Variants in TTBK1 observed in about 807,000 individuals in gnomAD.
TTBK1 encodes the protein tau tubulin kinase 1.
Under a neutral mutation model 108.5 loss-of-function variants are expected in TTBK1, and 34 were observed. The ratio of observed to expected loss-of-function variants is 0.31; its 90% confidence interval spans 0.24 to 0.42. TTBK1 has a LOEUF of 0.42. TTBK1 is among the 10% of genes least tolerant of loss of function. The probability of loss-of-function intolerance (pLI) is 1.00; values close to 1 mark genes in which losing one functional copy is unlikely to be tolerated. For synonymous variants in TTBK1, 809 were observed against 795.1 expected (o/e 1.02, Z -0.29); for missense variants, 1,539 against 1,826.0 (o/e 0.84, Z 2.86).
chr6:43,284,932 T>G, intron 14 of TTBK1, 51 bp from the exon 15 acceptor site: 1 of 1,484,996 alleles, frequency 6.7e-7, no homozygotes, highest in Non-Finnish European at 8.9e-7. Flanking sequence ...TATTTCTCCT[T>G]GTTTTGTTTC....
At chr6:43,262,060 G>A (rs1777555473) in intron 12 of TTBK1, among the ~76,000 whole-genome samples, 3 of 152,228 alleles carry the variant, frequency 2.0e-5, no homozygotes, top group Non-Finnish European at 2.9e-5. Context: ...ACAGCAAAGG[G>A]TAGAAGGACA....
At chr6:43,256,236 A>G (rs1463422297) in intron 9 of TTBK1, among the ~76,000 whole-genome samples, 1 of 151,690 alleles carries the variant, frequency 6.6e-6, no homozygotes, top group Admixed American at 6.6e-5. Flanking sequence ...CCTGGGTTCA[A>G]GCAATTCTTC....
At position 43,284,010 on chromosome 6, in the gene TTBK1, G is replaced by A. The variant is rs369925414; in HGVS notation, c.3270G>A (p.Ala1090=). Residue 1090 remains alanine (A), a synonymous_variant, in exon 14 of 15, where the codon GCG becomes GCA. Transcript: ENST00000259750. Reference sequence around the variant, plus strand: ...GGGCTCGGCCGCAGCAGGACCTGGCGCGGCTGGTGATGGAGAAGAGGCAGG... The same window carrying A: ...GGGCTCGGCCGCAGCAGGACCTGGCACGGCTGGTGATGGAGAAGAGGCAGG... ...SKRARPQQDL[A]RLVMEKRQGR... 2.4e-5 allele frequency: 38 copies of A among 1,585,452 alleles called. No homozygotes were observed. The African/African-American group carries it at 3.1e-4, about 13-fold the overall frequency.
At position 43,259,356 on chromosome 6, in the gene TTBK1, G is replaced by A. The variant is rs1777467794; in HGVS notation, c.1248+87G>A. On this transcript the variant is annotated intron_variant, in intron 11 of 14. Transcript: ENST00000259750. This position sits in a 1 kb window ranked among gnomAD's most constrained non-coding sequence, Gnocchi z 6.7. The stretch of plus-strand genomic sequence containing the variant: ...TGTGCCCCTGCCCTGTTCCTCCTAA[G>A]CACCCTGTCCCCGGCCATCTGCCTG... The A allele has an allele frequency of 7.5e-7, 1 of 1,327,910 alleles. No individual in the cohort carries two copies. The highest frequency in any genetic ancestry group is 1.0e-6 in the Non-Finnish European group (1 of 978,492). The allele number at this position is 1,327,910 out of a possible 1,614,324, so 82.3% of individuals were successfully genotyped here. A position where few individuals can be genotyped will look rare whatever the true frequency, so the allele number is the denominator to read the frequency against.
At chr6:43,275,323 C>T (rs1007077792) in intron 13 of TTBK1, among the ~76,000 whole-genome samples, 1 of 152,054 alleles carries the variant, frequency 6.6e-6, no homozygotes, top group South Asian at 2.1e-4. Context: ...CGCCCCACCC[C>T]GCCGCCGAGG....
In TTBK1 at chr6:43,265,285, C is replaced by G. The variant is rs1777647641; in HGVS notation, c.1986+1935C>G. Among the ~76,000 whole-genome samples the G allele has an allele frequency of 6.6e-6, 1 of 151,960 alleles. No homozygotes were observed. The highest frequency in any genetic ancestry group is 2.4e-5 in the African/African-American group (1 of 41,404). On this transcript the variant is annotated intron_variant, in intron 13 of 14. Transcript: ENST00000259750. This position sits in a 1 kb window ranked among gnomAD's most constrained non-coding sequence, Gnocchi z 4.1. ...ACTTGCTCAGATTGGGAGGCCTTGC[C>G]TGGGATCACATGGGTGCCCTGGGAA...
rs1237765587 is a variant in TTBK1, at chr6:43,286,072, G to C, written c.*696G>C. 1 of 152,880 alleles carries C rather than the reference G, an allele frequency of 6.5e-6. No homozygotes were observed. The highest frequency in any genetic ancestry group is 1.9e-4 in the East Asian group (1 of 5,176). 9.5% of individuals were successfully genotyped at this position (152,880 alleles called of 1,614,324 possible). A position where few individuals can be genotyped will look rare whatever the true frequency, so the allele number is the denominator to read the frequency against. ...ACTCGGTGAGAGGCAGTGGGCAAGT[G>C]ATCTTGGAGATGGGTGGGCAGGTGA... On this transcript the variant is annotated 3_prime_UTR_variant, in exon 15 of 15. Coordinates refer to ENST00000259750, the MANE Select transcript of TTBK1 (RefSeq NM_032538.3). This position sits in a 1 kb window ranked among gnomAD's most constrained non-coding sequence, Gnocchi z 4.6.
At position 43,282,745 on chromosome 6, in the gene TTBK1, C is replaced by T. The variant is rs763794735; in HGVS notation, c.2005C>T (p.Pro669Ser). The T allele has an allele frequency of 1.2e-6, 2 of 1,606,248 alleles. No homozygotes were observed. Among genetic ancestry groups the T allele is most frequent in the South Asian group, 1.1e-5 (1 of 90,786 alleles). Residue 669 changes from proline to serine, a missense_variant, in exon 14 of 15, where the codon CCA becomes TCA. By Grantham distance (74) the Pro-to-Ser change is moderately conservative. Around this residue, in one of 5 missense-constraint regions of TTBK1, gnomAD observed 1,055 missense variants for 1,086.5 expected, o/e 0.97. Transcript: ENST00000259750. This position sits in a 1 kb window ranked among gnomAD's most constrained non-coding sequence, Gnocchi z 5.4. ...PQRQVFSVAP[P>S]FEVNGLPRAV... ...CTTGCAGGTGTTCTCCGTGGCGCCC[C>T]CATTTGAGGTGAATGGCCTCCCACG...
intron 2 of TTBK1, chr6:43,248,000 C>G (rs866502969): frequency 6.6e-6 from 1 of 152,096 alleles, no homozygotes; most frequent in Non-Finnish European, 1.5e-5. Context: ...ATAAAAGGAA[C>G]GAGGGTCTGG....
chr6:43,259,834 T>A lies in TTBK1; in HGVS notation c.1424+128T>A. On this transcript the variant is annotated intron_variant, in intron 12 of 14. Transcript: ENST00000259750. This position sits in a 1 kb window ranked among gnomAD's most constrained non-coding sequence, Gnocchi z 6.7. ...CTGGGAAGTGCTGAGAGGGTTATACTTGGGCCTGGGGTCAGACTCAGTTGG... is the reference window on the plus strand; with the variant it reads ...CTGGGAAGTGCTGAGAGGGTTATACATGGGCCTGGGGTCAGACTCAGTTGG... 2 of 1,011,602 alleles carry A rather than the reference T, an allele frequency of 2.0e-6. No individual in the cohort carries two copies. The highest frequency in any genetic ancestry group is 3.8e-5 in the South Asian group (2 of 52,230). The allele number at this position is 1,011,602 out of a possible 1,614,324, so 62.7% of individuals were successfully genotyped here.
In TTBK1 at chr6:43,269,534, C is replaced by A; in HGVS notation, c.1986+6184C>A. ...ACCCTGCCTGACCCCGCCCACTTGC[C>A]CGGGACGCCGGCGCCGCAGGGGCTG... On this transcript the variant is annotated intron_variant, in intron 13 of 14. Transcript: ENST00000259750. This position sits in a 1 kb window ranked among gnomAD's most constrained non-coding sequence, Gnocchi z 4.8. The A allele has an allele frequency of 1.5e-6, 2 of 1,305,302 alleles. No individual in the cohort carries two copies. The highest frequency in any genetic ancestry group is 2.0e-6 in the Non-Finnish European group (2 of 990,198). The allele number at this position is 1,305,302 out of a possible 1,614,324, so 80.9% of individuals were successfully genotyped here. A position where few individuals can be genotyped will look rare whatever the true frequency, so the allele number is the denominator to read the frequency against.
At chr6:43,247,040 G>T (rs978359090) in intron 2 of TTBK1, among the ~76,000 whole-genome samples, 1 of 152,188 alleles carries the variant, frequency 6.6e-6, no homozygotes, top group Non-Finnish European at 1.5e-5. Context: ...CTGGTTGGAT[G>T]TCTGGGCAGG....
intron 1 of TTBK1, 26 bp from the exon 2 acceptor site, chr6:43,246,581 C>T (rs41274940): frequency 0.016 from 18,353 of 1,164,644 alleles, 477 homozygotes; most frequent in African/African-American, 0.11. Flanking sequence ...GCAGCCCGCC[C>T]TCACAGGCCC....
chr6:43,251,243 G>A (rs1777230791), intron 2 of TTBK1, among the ~76,000 whole-genome samples: 1 of 152,148 alleles, frequency 6.6e-6, no homozygotes, highest in Admixed American at 6.5e-5. Context: ...ACAATCACAA[G>A]TCATCTGGGT....
intron 10 of TTBK1, among the ~76,000 whole-genome samples, chr6:43,258,186 C>T (rs1274537920): frequency 6.6e-6 from 1 of 152,144 alleles, no homozygotes; most frequent in Non-Finnish European, 1.5e-5. Flanking sequence ...CTTAGTGGGT[C>T]CCTGGGGGAG....
chr6:43,285,617 G>A lies in TTBK1; in HGVS notation c.*241G>A. On this transcript the variant is annotated 3_prime_UTR_variant, in exon 15 of 15. Transcript: ENST00000259750. The surrounding 1 kb of genome is among the most constrained non-coding windows in gnomAD (Gnocchi z 4.7). ...GGGTCTGCCTCCCCTTCCTCGCCCT[G>A]TGTCCTCTCATCCTCCCGCCGCCCG... 1 of 361,512 alleles carries A rather than the reference G, an allele frequency of 2.8e-6. No homozygotes were observed. Among genetic ancestry groups the A allele is most frequent in the Non-Finnish European group, 4.7e-6 (1 of 213,380 alleles). 22.4% of individuals were successfully genotyped at this position (361,512 alleles called of 1,614,324 possible). A position where few individuals can be genotyped will look rare whatever the true frequency, so the allele number is the denominator to read the frequency against.
In TTBK1 at chr6:43,262,951, G is replaced by A. The variant is rs757794083; in HGVS notation, c.1587G>A (p.Ser529=). The A allele has an allele frequency of 9.3e-6, 15 of 1,613,890 alleles. No individual in the cohort carries two copies. In the South Asian group the frequency reaches 1.1e-4, roughly 12 times the overall value. The change falls in exon 13 of 15, where the codon TCG becomes TCA. Residue 529 remains serine (S), a synonymous_variant. Transcript: ENST00000259750. The stretch of plus-strand genomic sequence containing the variant: ...AGGCCCTGAGCAACGCCTTCCGCTC[G>A]GTGCCGCTGGCTGAGGAGGAGGATT... ...EQEALSNAFR[S]VPLAEEEDFD...
chr6:43,272,472 C>T (rs923336849), intron 13 of TTBK1: 3 of 985,314 alleles, frequency 3.0e-6, no homozygotes, highest in Non-Finnish European at 3.6e-6. Flanking sequence ...CAAACACACA[C>T]CCCCCACCTC....
At chr6:43,246,989 C>T (rs71560800) in intron 2 of TTBK1, among the ~76,000 whole-genome samples, 1 of 152,192 alleles carries the variant, frequency 6.6e-6, no homozygotes, top group South Asian at 2.1e-4. Flanking sequence ...CACCCCTCTT[C>T]CCGCTAGGTC....
Sources: allele counts gnomAD v4.1 joint callset (sites outside exome capture counted in the v4.1 genomes callset), GRCh38; gene constraint gnomAD v4.1.1; regional missense constraint gnomAD v4.1.1; non-coding constraint Gnocchi (gnomAD v3.1); transcripts MANE v1.5; gene names NCBI Gene and HGNC (gene_info 2026-07-23, HGNC 2026-07-21).